The following NT5C3B variants were observed in gnomAD, a reference collection of about 807,000 sequenced individuals.
The protein encoded by NT5C3B is 7-methylguanosine phosphate-specific 5'-nucleotidase.
A neutral mutation model predicts 32.5 loss-of-function variants in NT5C3B; 28 were observed. The ratio of observed to expected loss-of-function variants is 0.86; its 90% CI spans 0.64 to 1.18. The LOEUF (loss-of-function observed/expected upper bound fraction) is 1.18, where lower values mean the gene tolerates loss of function less well. Among genes scored for constraint, NT5C3B ranks in the 50% most tolerant of loss-of-function variants. The probability of loss-of-function intolerance (pLI) is 0.00; values close to 1 mark genes in which losing one functional copy is unlikely to be tolerated. For synonymous variants in NT5C3B, 138 were observed against 118.0 expected (o/e 1.17, Z -1.10); for missense variants, 317 against 322.0 (o/e 0.98, Z 0.12).
At chr17:41,833,974 T>C (rs2048096097) in intron 4 of NT5C3B, among the ~76,000 whole-genome samples, 1 of 152,106 alleles carries the variant, frequency 6.6e-6, no homozygotes, top group Non-Finnish European at 1.5e-5. Flanking sequence ...CATTACAAGA[T>C]CAAATGGAAT....
At chr17:41,835,307 C>A (rs2048128656) in intron 2 of NT5C3B, 35 bp from the exon 3 acceptor site, 1 of 1,569,588 alleles carries the variant, frequency 6.4e-7, no homozygotes, top group African/African-American at 1.3e-5. Context: ...CCTAAATAGG[C>A]ACCAGAATTC....
Position 41,835,232 on chromosome 17 carries a change from T to C in NT5C3B, c.152A>G (p.Tyr51Cys). The change falls in exon 3 of 9, where the codon TAT (tyrosine) becomes TGT (cysteine). Residue 51 changes from tyrosine to cysteine, a missense_variant. Transcript: ENST00000435506. ...DFDMTLSRFA[Y>C]NGKRCPSSYN... ...AGAAGAAGGGCATCGCTTTCCATTA[T>C]ATGCAAACCTGCTCAAGGTCATGTC... 1.2e-6 allele frequency: 2 copies of C among 1,614,188 alleles called. No homozygotes were observed. Among genetic ancestry groups the C allele is most frequent in the East Asian group, 2.2e-5 (1 of 44,888 alleles).
intron 1 of NT5C3B, 85 bp downstream of exon 1, chr17:41,836,097 C>A (rs1252510739): frequency 3.7e-6 from 5 of 1,342,724 alleles, no homozygotes; most frequent in Non-Finnish European, 4.8e-6. Context: ...AGCGGCGGTG[C>A]CTCGGTGACC....
chr17:41,834,127 G>A (rs2048099372), intron 4 of NT5C3B, among the ~76,000 whole-genome samples: 1 of 152,086 alleles, frequency 6.6e-6, no homozygotes, highest in African/African-American at 2.4e-5. Context: ...TGGGCAAGAT[G>A]GCTCATGCCT....
rs1555619725 is a variant in NT5C3B, at chr17:41,835,265, GA to G, written c.118del (p.Ser40LeufsTer5). ...CCTGCTCAAGGTCATGTCAAAATCAGAAATCACCTATAAGGCAAAAGAGAGA... is the reference window on the plus strand; with the variant it reads ...CCTGCTCAAGGTCATGTCAAAATCAGAATCACCTATAAGGCAAAAGAGAGA... Reference protein sequence around the residue: ...KGGGDRLQVISDFDMTLSRFA... With the variant: ...KGGGDRLQVIXDFDMTLSRFA... On this transcript the variant is annotated frameshift_variant, in exon 3 of 9. Coordinates refer to ENST00000435506, the MANE Select transcript of NT5C3B (RefSeq NM_052935.5). LOFTEE classifies it high-confidence loss of function. 1 of 1,613,952 alleles carries G rather than the reference GA, an allele frequency of 6.2e-7. No individual in the cohort carries two copies. Among genetic ancestry groups the G allele is most frequent in the Non-Finnish European group, 8.5e-7 (1 of 1,179,960 alleles).
chr17:41,835,390 A>T lies in NT5C3B; in HGVS notation c.112-118T>A, dbSNP rs574889507. 3.6e-6 allele frequency: 3 copies of T among 834,392 alleles called. No homozygotes were observed. The South Asian group carries it at 4.4e-5, about 12-fold the overall frequency. 51.7% of individuals were successfully genotyped at this position (834,392 alleles called of 1,614,324 possible). A position where few individuals can be genotyped will look rare whatever the true frequency, so the allele number is the denominator to read the frequency against. ...AGCTCAGTGGCCAGGATGTAGGCAAAGCCCTAGGGGAGTTACCGAGTGACA... is the reference window on the plus strand; with the variant it reads ...AGCTCAGTGGCCAGGATGTAGGCAATGCCCTAGGGGAGTTACCGAGTGACA... On this transcript the variant is annotated intron_variant, in intron 2 of 8. Transcript: ENST00000435506.
Position 41,832,392 on chromosome 17 carries a change from C to A in NT5C3B, c.314G>T (p.Trp105Leu). 1 of 1,613,316 alleles carries A rather than the reference C, an allele frequency of 6.2e-7. No homozygotes were observed. Among genetic ancestry groups the A allele is most frequent in the Non-Finnish European group, 8.5e-7 (1 of 1,179,428 alleles). Residue 105 changes from tryptophan (W) to leucine (L), a missense_variant and splice_region_variant, in exon 5 of 9, where the codon TGG becomes TTG. Physicochemically the swap from Trp to Leu is moderately conservative, Grantham distance 61. Coordinates refer to ENST00000435506, the MANE Select transcript of NT5C3B (RefSeq NM_052935.5). Reference sequence around the variant, plus strand: ...GCTTTTCTCCACCACCATCACTCACCATTCCACCATATGAGGTAGCTTCTC... The same window carrying A: ...GCTTTTCTCCACCACCATCACTCACAATTCCACCATATGAGGTAGCTTCTC... ...VKEKLPHMVE[W>L]WTKAHNLLCQ... is the part of the protein sequence containing the mutation.
At position 41,827,639 on chromosome 17, in the gene NT5C3B, G is replaced by A. The variant is rs2047989765; in HGVS notation, c.568-13C>T. On this transcript the variant is annotated splice_polypyrimidine_tract_variant and intron_variant, in intron 7 of 8. Coordinates refer to ENST00000435506, the MANE Select transcript of NT5C3B (RefSeq NM_052935.5). Reference sequence around the variant, plus strand: ...CCTGGAGAAAACCCTAAATAATGAAGACAAGAGACAGATGGAAGGGCTGCA... The same window carrying A: ...CCTGGAGAAAACCCTAAATAATGAAAACAAGAGACAGATGGAAGGGCTGCA... 1 of 847,120 alleles carries A rather than the reference G, an allele frequency of 1.2e-6. No individual in the cohort carries two copies. Among genetic ancestry groups the A allele is most frequent in the South Asian group, 1.3e-5 (1 of 75,796 alleles). 52.5% of individuals were successfully genotyped at this position (847,120 alleles called of 1,614,324 possible).
Position 41,835,190 on chromosome 17 carries a change from G to A in NT5C3B, c.181+13C>T. The A allele has an allele frequency of 6.2e-7, 1 of 1,613,784 alleles. No individual in the cohort carries two copies. Among genetic ancestry groups the A allele is most frequent in the East Asian group, 2.2e-5 (1 of 44,886 alleles). On this transcript the variant is annotated intron_variant, in intron 3 of 8. Coordinates refer to ENST00000435506, the MANE Select transcript of NT5C3B (RefSeq NM_052935.5). ...TTGTCAAGCTCAACAAGGGAAGCTAGAATGTGACTTACTGTAAGAAGAAGG... is the reference window on the plus strand; with the variant it reads ...TTGTCAAGCTCAACAAGGGAAGCTAAAATGTGACTTACTGTAAGAAGAAGG...
chr17:41,828,713 G>C (rs781865125), intron 7 of NT5C3B, 77 bp downstream of exon 7: 25 of 1,332,138 alleles, frequency 1.9e-5, no homozygotes, highest in Non-Finnish European at 2.6e-5. Context: ...CCAGGTTAGG[G>C]TTCATGCAGA....
Position 41,835,103 on chromosome 17 carries a change from A to G in NT5C3B, c.195T>C (p.Asn65=), listed in dbSNP as rs782169593. ...GACACTCCTCACTGATGATCTTGCT[A>G]TTATCCAGAATATCTGGAAAAAGAG... ...RCPSSYNILD[N]SKIISEECRK... The change falls in exon 4 of 9, where the codon AAT becomes AAC. Residue 65 remains asparagine (N), a synonymous_variant. Coordinates refer to ENST00000435506, the MANE Select transcript of NT5C3B (RefSeq NM_052935.5). 1.2e-6 allele frequency: 2 copies of G among 1,614,162 alleles called. No homozygotes were observed. Among genetic ancestry groups the G allele is most frequent in the Non-Finnish European group, 1.7e-6 (2 of 1,180,002 alleles).
intron 5 of NT5C3B, among the ~76,000 whole-genome samples, 193 bp from the exon 6 acceptor site, chr17:41,831,083 T>G (rs1555618972): frequency 6.6e-6 from 1 of 152,056 alleles, no homozygotes. Flanking sequence ...CTTTGGGAGG[T>G]CAAGGCGGGT....
intron 4 of NT5C3B, among the ~76,000 whole-genome samples, chr17:41,834,037 G>T (rs1597924234): frequency 1.3e-5 from 2 of 152,254 alleles, no homozygotes; most frequent in African/African-American, 2.4e-5. Context: ...TAGTAACAAA[G>T]GCAGAAAACT....
rs547387988 is a variant in NT5C3B, at chr17:41,834,958, T to A, written c.228+112A>T. On this transcript the variant is annotated intron_variant, in intron 4 of 8. Transcript: ENST00000435506. The stretch of plus-strand genomic sequence containing the variant: ...GACCCTCCTTAGCAAAACAACAAGT[T>A]TTTAAAAATTAATTTTCTAAGGTCT... 3.0e-5 allele frequency: 33 copies of A among 1,112,868 alleles called. No homozygotes were observed. In the Middle Eastern group the frequency reaches 8.0e-4, roughly 27 times the overall value. The allele number at this position is 1,112,868 out of a possible 1,614,324, so 68.9% of individuals were successfully genotyped here.
chr17:41,834,171 G>A (rs537705732), intron 4 of NT5C3B, among the ~76,000 whole-genome samples: 8 of 152,062 alleles, frequency 5.3e-5, no homozygotes, highest in South Asian at 2.1e-4. Flanking sequence ...CAAGGCGGGC[G>A]GATCACCTGA....
rs2048001987 is a variant in NT5C3B, at chr17:41,828,598, A to G, written c.567+192T>C. 3 of 503,370 alleles carry G rather than the reference A, an allele frequency of 6.0e-6. No individual in the cohort carries two copies. The South Asian group carries it at 1.1e-4, about 18-fold the overall frequency. The allele number at this position is 503,370 out of a possible 1,614,324, so 31.2% of individuals were successfully genotyped here. On this transcript the variant is annotated intron_variant, in intron 7 of 8. Transcript: ENST00000435506. The stretch of plus-strand genomic sequence containing the variant: ...GTGATCCGCCCGCCTCGGCCTCCCA[A>G]AGTGCTAGGATTACAGGTCTGAGCC...
intron 4 of NT5C3B, 34 bp downstream of exon 4, chr17:41,835,035 CA>C (rs782214810): frequency 1.2e-6 from 2 of 1,605,404 alleles, no homozygotes; most frequent in South Asian, 2.2e-5. Flanking sequence ...TAGCAAATGA[CA>C]ACCATTTCTG....
chr17:41,830,334 C>T (rs917205908), intron 6 of NT5C3B, among the ~76,000 whole-genome samples: 3 of 152,288 alleles, frequency 2.0e-5, no homozygotes, highest in Admixed American at 2.0e-4. Flanking sequence ...ATGGTGAAAC[C>T]CTGTCTCTAC....
chr17:41,835,918 G>T lies in NT5C3B; in HGVS notation c.52C>A (p.Pro18Thr). The T allele has an allele frequency of 1.2e-6, 2 of 1,605,850 alleles. No homozygotes were observed. The highest frequency in any genetic ancestry group is 1.7e-6 in the Non-Finnish European group (2 of 1,177,076). Residue 18 changes from proline to threonine, a missense_variant, in exon 2 of 9, where the codon CCT becomes ACT. Physicochemically the swap from Pro to Thr is conservative, Grantham distance 38. Coordinates refer to ENST00000435506, the MANE Select transcript of NT5C3B (RefSeq NM_052935.5). The part of the protein sequence containing the change: ...LMKATVLMRQ[P>T]GRVQEIVGAL... ...CCCACGATCTCCTGCACCCGCCCAGGCTGCCGCATCAGGACCGTGGCCTTC... is the reference window on the plus strand; with the variant it reads ...CCCACGATCTCCTGCACCCGCCCAGTCTGCCGCATCAGGACCGTGGCCTTC...
Sources: allele counts gnomAD v4.1 joint callset (sites outside exome capture counted in the v4.1 genomes callset), GRCh38; gene constraint gnomAD v4.1.1; transcripts MANE v1.5; gene names NCBI Gene and HGNC (gene_info 2026-07-23, HGNC 2026-07-21).